QTMAN: variants seen among roughly 807,000 people sequenced by gnomAD.
QTMAN encodes tRNA-queuosine alpha-mannosyltransferase.
At chr2:144,032,261 G>C in the QTMAN span, among the ~76,000 whole-genome samples, 1 of 152,142 alleles carries the variant, frequency 6.6e-6, no homozygotes, top group Non-Finnish European at 1.5e-5. Context: ...TTTCCTCATA[G>C]GCAAAATGGG....
the QTMAN span, among the ~76,000 whole-genome samples, chr2:144,019,698 C>T: frequency 6.6e-6 from 1 of 152,104 alleles, no homozygotes; most frequent in South Asian, 2.1e-4. Flanking sequence ...AAGGATGCTT[C>T]CTAACTTGAG....
At chr2:143,947,246 C>A in the QTMAN span, 81 of 748,382 alleles carry the variant, frequency 1.1e-4, 1 homozygote, top group South Asian at 6.1e-4. Flanking sequence ...ACGTCAATTA[C>A]ATTTCAAAAA....
the QTMAN span, among the ~76,000 whole-genome samples, chr2:144,192,281 A>G: frequency 1.9e-3 from 287 of 151,892 alleles, 1 homozygote; most frequent in African/African-American, 6.4e-3. Flanking sequence ...TAATTTTTAT[A>G]TTTTTAGTAG....
chr2:143,993,418 G>C, the QTMAN span, among the ~76,000 whole-genome samples: 1 of 151,970 alleles, frequency 6.6e-6, no homozygotes, highest in Non-Finnish European at 1.5e-5. Context: ...AAAAAAAAGG[G>C]GGGGGGACTT....
At chr2:144,158,381 C>T in the QTMAN span, among the ~76,000 whole-genome samples, 1 of 151,870 alleles carries the variant, frequency 6.6e-6, no homozygotes, top group Non-Finnish European at 1.5e-5. Flanking sequence ...ATAAATAATT[C>T]AGTATCGTCA....
the QTMAN span, chr2:144,177,248 C>T: frequency 5.1e-6 from 3 of 582,858 alleles, no homozygotes; most frequent in South Asian, 3.7e-5. Context: ...TATCTTGATC[C>T]CAATAAAAAA....
At chr2:143,953,163 G>A in the QTMAN span, among the ~76,000 whole-genome samples, 2 of 151,628 alleles carry the variant, frequency 1.3e-5, no homozygotes, top group African/African-American at 4.8e-5. Flanking sequence ...GTAACAACAT[G>A]GTAAAGTATG....
At chr2:144,160,961 T>C in the QTMAN span, among the ~76,000 whole-genome samples, 1 of 152,146 alleles carries the variant, frequency 6.6e-6, no homozygotes, top group African/African-American at 2.4e-5. Context: ...TATATTAATA[T>C]ATAGAAATCT....
the QTMAN span, among the ~76,000 whole-genome samples, chr2:144,022,558 CTCTTTT>C: frequency 1.5e-4 from 21 of 139,092 alleles, no homozygotes; most frequent in African/African-American, 5.9e-4. Flanking sequence ...CTCTCTCTCT[CTCTTTT>C]TTTTTTTTTT....
chr2:144,129,150 G>T, the QTMAN span, among the ~76,000 whole-genome samples: 1 of 151,836 alleles, frequency 6.6e-6, no homozygotes, highest in Non-Finnish European at 1.5e-5. Flanking sequence ...GCTTTGAATA[G>T]ACCCATCTTT....
chr2:144,182,829 A>ATATATATATAT, the QTMAN span, among the ~76,000 whole-genome samples: 3 of 61,176 alleles, frequency 4.9e-5, no homozygotes, highest in East Asian at 9.3e-4. Flanking sequence ...TATATATATA[A>ATATATATATAT]TATATATATA....
the QTMAN span, among the ~76,000 whole-genome samples, chr2:144,035,925 G>T: frequency 6.6e-6 from 1 of 152,096 alleles, no homozygotes; most frequent in Non-Finnish European, 1.5e-5. Context: ...AGCAAACAGG[G>T]CACCCTAAAT....
At chr2:144,325,938 T>C in the QTMAN span, among the ~76,000 whole-genome samples, 2 of 152,176 alleles carry the variant, frequency 1.3e-5, no homozygotes, top group Non-Finnish European at 1.5e-5. Flanking sequence ...GAAACCAAAT[T>C]AAAGGTTTAG....
the QTMAN span, among the ~76,000 whole-genome samples, chr2:144,164,383 T>C: frequency 7.9e-5 from 12 of 152,260 alleles, 2 homozygotes; most frequent in African/African-American, 2.6e-4. Context: ...TGTAAGCATT[T>C]TGAGACTGTT....
chr2:144,160,951 T>C, the QTMAN span, among the ~76,000 whole-genome samples: 1 of 152,144 alleles, frequency 6.6e-6, no homozygotes, highest in African/African-American at 2.4e-5. Flanking sequence ...GTCCTTTGTA[T>C]ATATTAATAT....
the QTMAN span, among the ~76,000 whole-genome samples, chr2:143,980,000 C>T: frequency 2.6e-5 from 4 of 151,798 alleles, no homozygotes; most frequent in Non-Finnish European, 5.9e-5. Context: ...TTTCTTTCTT[C>T]TTTTTTTTCA....
chr2:143,961,312 A>G, the QTMAN span, among the ~76,000 whole-genome samples: 1 of 152,118 alleles, frequency 6.6e-6, no homozygotes, highest in Admixed American at 6.6e-5. Flanking sequence ...ATAGTCTTTT[A>G]CTGGGGAAAT....
At chr2:144,063,485 C>A in the QTMAN span, among the ~76,000 whole-genome samples, 2 of 152,040 alleles carry the variant, frequency 1.3e-5, no homozygotes, top group Non-Finnish European at 2.9e-5. Context: ...CAAGAGAAAA[C>A]ATGGATTAAT....
the QTMAN span, among the ~76,000 whole-genome samples, chr2:144,308,099 A>G: frequency 6.6e-6 from 1 of 151,980 alleles, no homozygotes. Flanking sequence ...TTATGTTGGC[A>G]TGATAGACAT....
Sources: gnomAD v4.1 joint callset for allele counts (sites outside exome capture counted in the v4.1 genomes callset) on GRCh38, gnomAD v4.1.1 for gene constraint, MANE v1.5 for transcripts, NCBI Gene and HGNC (gene_info 2026-07-23, HGNC 2026-07-21) for gene names.